DPYS: variants seen among roughly 807,000 people sequenced by gnomAD.
DPYS encodes dihydropyrimidine amidohydrolase.
Under a neutral mutation model 50.3 loss-of-function variants are expected in DPYS, and 39 were observed. That is an observed-to-expected ratio of 0.78 (90% CI 0.60 to 1.01). The LOEUF (loss-of-function observed/expected upper bound fraction) is 1.01. Among genes scored for constraint, DPYS ranks in the 50% least tolerant of loss-of-function variants. The pLI, the probability that DPYS is intolerant of heterozygous loss-of-function variation, is 0.00. For missense variants in DPYS, 659 were observed against 680.9 expected (o/e 0.97, Z 0.36); for synonymous variants, 245 against 250.7 (o/e 0.98, Z 0.22).
At chr8:104,399,059 G>C (rs956361132) in intron 7 of DPYS, among the ~76,000 whole-genome samples, 1 of 152,088 alleles carries the variant, frequency 6.6e-6, no homozygotes. Flanking sequence ...GGGAAGCTGA[G>C]GCGGGCAGAT....
chr8:104,456,328 T>C (rs574080122), intron 1 of DPYS, among the ~76,000 whole-genome samples: 2 of 152,322 alleles, frequency 1.3e-5, no homozygotes, highest in East Asian at 3.9e-4. Context: ...GAGCTGTTGA[T>C]GGTCTTCTTA....
Position 104,466,955 on chromosome 8 carries a change from C to T in DPYS, c.-35G>A, listed in dbSNP as rs1588471374. 3 of 1,355,256 alleles carry T rather than the reference C, an allele frequency of 2.2e-6. No homozygotes were observed. Among genetic ancestry groups the T allele is most frequent in the East Asian group, 3.1e-5 (1 of 32,152 alleles). 84.0% of individuals were successfully genotyped at this position (1,355,256 alleles called of 1,614,324 possible). A position where few individuals can be genotyped will look rare whatever the true frequency, so the allele number is the denominator to read the frequency against. On this transcript the variant is annotated 5_prime_UTR_variant, in exon 1 of 10. Transcript: ENST00000351513. ...CGCGCGGGGTCCTACTCGGCCCGGG[C>T]TGCGCGCAGGGGCTGGGTTGGGCGG... is the stretch of plus-strand genomic sequence containing the variant.
chr8:104,434,892 T>C (rs983329136), intron 4 of DPYS, among the ~76,000 whole-genome samples: 2 of 152,188 alleles, frequency 1.3e-5, no homozygotes, highest in Non-Finnish European at 2.9e-5. Context: ...TAAAACAAGT[T>C]TAACTGTAAA....
In DPYS at chr8:104,389,547, T is replaced by TTTA. The variant is rs1811323441; in HGVS notation, c.1443+3236_1443+3237insTAA. On this transcript the variant is annotated intron_variant, in intron 8 of 9. Transcript: ENST00000351513. ...ACTATTTTCTTCCTTTTATTTTTTT[T>TTTA]TTTTTGTCTCTACAGAGGTCCAGTG... Among the ~76,000 whole-genome samples the TTTA allele has an allele frequency of 5.3e-5, 8 of 152,062 alleles. No homozygotes were observed. In the South Asian group the frequency reaches 1.7e-3, roughly 32 times the overall value.
Position 104,444,366 on chromosome 8 carries a change from C to T in DPYS, c.675G>A (p.Val225=). The change falls in exon 4 of 10, where the codon GTG becomes GTA. Residue 225 remains valine (V), a synonymous_variant. Transcript: ENST00000351513. ...TGGCTCTCAGCGTGGCCTCTGCCTC[C>T]ACTGCCTCTGGGCGGCACAGCTCGT... ...EGHELCRPEA[V]EAEATLRAIT... is the part of the protein sequence containing the mutation. 6.2e-7 allele frequency: 1 copy of T among 1,614,260 alleles called. No individual in the cohort carries two copies. The highest frequency in any genetic ancestry group is 8.5e-7 in the Non-Finnish European group (1 of 1,180,054).
In DPYS at chr8:104,416,494, C is replaced by A. The variant is rs532505480; in HGVS notation, c.1235+7753G>T. 4.8e-4 allele frequency among the ~76,000 whole-genome samples: 73 copies of A among 152,274 alleles called. 3 individuals carry two copies. In the South Asian group the frequency reaches 0.015, roughly 31 times the overall value. On this transcript the variant is annotated intron_variant, in intron 7 of 9. Coordinates refer to ENST00000351513, the MANE Select transcript of DPYS (RefSeq NM_001385.3). Reference sequence around the variant, plus strand: ...AATCATATTCATTTCCACTTATGCACCCATGACAAGACCCACACAATGCAC... The same window carrying A: ...AATCATATTCATTTCCACTTATGCAACCATGACAAGACCCACACAATGCAC...
chr8:104,449,431 G>T (rs2140727562), intron 2 of DPYS, among the ~76,000 whole-genome samples: 1 of 152,314 alleles, frequency 6.6e-6, no homozygotes, highest in African/African-American at 2.4e-5. Context: ...CTCCAAAAGT[G>T]TGGCAACTGA....
intron 7 of DPYS, chr8:104,423,934 T>G (rs1812635022): frequency 2.1e-6 from 2 of 956,102 alleles, no homozygotes; most frequent in South Asian, 9.7e-5. Context: ...TTTTATTTCC[T>G]TCATCACGCT....
intron 8 of DPYS, among the ~76,000 whole-genome samples, chr8:104,391,835 C>T (rs372458389): frequency 6.6e-6 from 1 of 152,072 alleles, no homozygotes. Context: ...TTCTCAAACT[C>T]CTGGCCTCAA....
rs1810958999 is a variant in DPYS at position 104,379,460 on chromosome 8, A to T, written c.*398T>A. On this transcript the variant is annotated 3_prime_UTR_variant, in exon 10 of 10. Coordinates refer to ENST00000351513, the MANE Select transcript of DPYS (RefSeq NM_001385.3). ...ATGAAGATCTCAATGTTTATTAATT[A>T]CAATAAAAAGTAAAATCACAGAGCT... is the stretch of plus-strand genomic sequence containing the variant. The T allele has an allele frequency of 5.8e-6, 1 of 172,348 alleles. No homozygotes were observed. Among genetic ancestry groups the T allele is most frequent in the Non-Finnish European group, 1.2e-5 (1 of 80,682 alleles). 10.7% of individuals were successfully genotyped at this position (172,348 alleles called of 1,614,324 possible).
At chr8:104,397,523 T>C (rs1309004077) in intron 7 of DPYS, among the ~76,000 whole-genome samples, 1 of 152,194 alleles carries the variant, frequency 6.6e-6, no homozygotes, top group African/African-American at 2.4e-5. Flanking sequence ...ATCCAGCCCA[T>C]TTTTGTTGGG....
intron 8 of DPYS, among the ~76,000 whole-genome samples, chr8:104,382,218 C>A (rs1811075148): frequency 6.6e-6 from 1 of 152,220 alleles, no homozygotes; most frequent in Admixed American, 6.5e-5. Flanking sequence ...ACAAGGCCCA[C>A]AGCTCCTGCA....
intron 7 of DPYS, among the ~76,000 whole-genome samples, chr8:104,409,429 G>A (rs946892923): frequency 2.0e-5 from 3 of 151,950 alleles, no homozygotes; most frequent in African/African-American, 7.2e-5. Context: ...AGATTGCAGT[G>A]AGCCAAGATC....
intron 1 of DPYS, among the ~76,000 whole-genome samples, chr8:104,454,903 G>A (rs1375139394): frequency 2.0e-5 from 3 of 152,148 alleles, no homozygotes; most frequent in Admixed American, 1.3e-4. Flanking sequence ...AGCAAGTGCT[G>A]TGATGCTGTT....
At chr8:104,412,957 G>C (rs1812238785) in intron 7 of DPYS, among the ~76,000 whole-genome samples, 1 of 152,166 alleles carries the variant, frequency 6.6e-6, no homozygotes, top group Non-Finnish European at 1.5e-5. Context: ...GCATAAGAGA[G>C]AGAAATGGGA....
intron 7 of DPYS, among the ~76,000 whole-genome samples, chr8:104,393,677 G>A (rs899058671): frequency 5.9e-5 from 9 of 152,092 alleles, no homozygotes; most frequent in African/African-American, 1.2e-4. Flanking sequence ...TACATAATAC[G>A]ATTGATGACT....
At chr8:104,434,491 G>A (rs371287823) in intron 4 of DPYS, among the ~76,000 whole-genome samples, 1 of 152,166 alleles carries the variant, frequency 6.6e-6, no homozygotes, top group Non-Finnish European at 1.5e-5. Context: ...CATTCAGATG[G>A]TTAAGGGGCC....
At chr8:104,381,009 A>G (rs1009088359) in intron 9 of DPYS, 175 bp downstream of exon 9, 2 of 600,534 alleles carry the variant, frequency 3.3e-6, no homozygotes, top group Non-Finnish European at 6.0e-6. Context: ...GCCTTCTACA[A>G]TCTGGAAGGC....
rs73699419 is a variant in DPYS, at chr8:104,379,514, A to G, written c.*344T>C. The G allele has an allele frequency of 3.3e-4, 55 of 168,694 alleles. No homozygotes were observed. Among genetic ancestry groups the G allele is most frequent in the Non-Finnish European group, 4.8e-4 (38 of 78,614 alleles). The allele number at this position is 168,694 out of a possible 1,614,324, so 10.4% of individuals were successfully genotyped here. On this transcript the variant is annotated 3_prime_UTR_variant, in exon 10 of 10. Transcript: ENST00000351513. ...TTAAAACTAATGTAACCATTTTTTT[A>G]AAAAAAGAAACTATTTAAACAAGAA... is the stretch of plus-strand genomic sequence containing the variant.
Sources: allele counts gnomAD v4.1 joint callset (sites outside exome capture counted in the v4.1 genomes callset), GRCh38; gene constraint gnomAD v4.1.1; transcripts MANE v1.5; gene names NCBI Gene and HGNC (gene_info 2026-07-23, HGNC 2026-07-21).